FCHO1: variants seen among roughly 807,000 people sequenced by gnomAD.
FCHO1 encodes the protein F-BAR domain only protein 1.
Under a neutral mutation model 114.4 loss-of-function variants are expected in FCHO1, and 45 were observed. The observed-to-expected ratio is 0.39, with a 90% CI of 0.31 to 0.50. FCHO1 has a LOEUF of 0.50. Ranked by LOEUF, FCHO1 falls within the 20% of genes least tolerant of loss-of-function variation. The pLI is 0.77. For missense variants in FCHO1, 1,042 were observed against 1,209.6 expected (o/e 0.86, Z 2.06); for synonymous variants, 480 against 488.9 (o/e 0.98, Z 0.24).
chr19:17,778,015 G>A, intron 18 of FCHO1, 122 bp from the exon 19 acceptor site: 2 of 664,622 alleles, frequency 3.0e-6, no homozygotes, highest in South Asian at 1.8e-5. Context: ...CTGCAGCCTG[G>A]CCGACAGAGC....
intron 28 of FCHO1, 152 bp from the exon 29 acceptor site, chr19:17,788,132 G>A: frequency 2.8e-6 from 2 of 725,798 alleles, no homozygotes; most frequent in South Asian, 1.5e-5. Context: ...CCCCAACAAG[G>A]GGCTCCTGGG....
intron 4 of FCHO1, chr19:17,755,740 G>T: frequency 6.5e-6 from 1 of 152,708 alleles, no homozygotes; most frequent in South Asian, 2.1e-4. Context: ...GGAGATGCTG[G>T]GGTCTCCAAG....
At position 17,775,637 on chromosome 19, in the gene FCHO1, G is replaced by A; in HGVS notation, c.1003+124G>A. On this transcript the variant is annotated intron_variant, in intron 15 of 28. Coordinates refer to ENST00000596536, the MANE Select transcript of FCHO1 (RefSeq NM_015122.3). The surrounding 1 kb of genome is among the most constrained non-coding windows in gnomAD (Gnocchi z 5.1). ...CCTGGAGAGAGTCTCCTTTGTGGAT[G>A]AAGCCAACCTAAATGTAAACACCCA... 5.3e-6 allele frequency: 5 copies of A among 937,312 alleles called. No individual in the cohort carries two copies. The highest frequency in any genetic ancestry group is 1.7e-6 in the Non-Finnish European group (1 of 583,818). The allele number at this position is 937,312 out of a possible 1,614,324, so 58.1% of individuals were successfully genotyped here.
intron 27 of FCHO1, among the ~76,000 whole-genome samples, chr19:17,787,411 T>TAA (rs139752878): frequency 2.7e-4 from 28 of 103,526 alleles, no homozygotes; most frequent in African/African-American, 6.5e-4. Flanking sequence ...ACCCTGTCTC[T>TAA]AAAAAAAAAA....
chr19:17,755,202 C>G lies in FCHO1; in HGVS notation c.27+11C>G, dbSNP rs774745489. The G allele has an allele frequency of 5.6e-6, 9 of 1,604,122 alleles. No individual in the cohort carries two copies. The highest frequency in any genetic ancestry group is 7.7e-6 in the Non-Finnish European group (9 of 1,174,610). On this transcript the variant is annotated intron_variant, in intron 4 of 28. Transcript: ENST00000596536. Reference sequence around the variant, plus strand: ...GGGGAGCATTTTTGGGTAAGACCCACTCTTATTTAGGCGGGGGATGCTGGC... The same window carrying G: ...GGGGAGCATTTTTGGGTAAGACCCAGTCTTATTTAGGCGGGGGATGCTGGC...
At chr19:17,761,163 C>T (rs149676660) in intron 4 of FCHO1, among the ~76,000 whole-genome samples, 1 of 152,290 alleles carries the variant, frequency 6.6e-6, no homozygotes, top group East Asian at 1.9e-4. Context: ...ATTTATTCAA[C>T]GAACTCAAAT....
At position 17,767,331 on chromosome 19, in the gene FCHO1, G is replaced by A. The variant is rs2089642957; in HGVS notation, c.336+521G>A. Among the ~76,000 whole-genome samples, 3 of 150,102 alleles carry A rather than the reference G, an allele frequency of 2.0e-5. No individual in the cohort carries two copies. The South Asian group carries it at 6.3e-4, about 32-fold the overall frequency. ...GGGAGGCTGAGGCAGGAGGATGGCT[G>A]GAGCCCAGGATCCTACAGGAGTTTG... On this transcript the variant is annotated intron_variant, in intron 7 of 28. Coordinates refer to ENST00000596536, the MANE Select transcript of FCHO1 (RefSeq NM_015122.3).
intron 1 of FCHO1, among the ~76,000 whole-genome samples, chr19:17,753,127 A>AT (rs1461402540): frequency 6.6e-6 from 1 of 152,134 alleles, no homozygotes; most frequent in Non-Finnish European, 1.5e-5. Context: ...AGTGGTTCCC[A>AT]TGCCAGTCAG....
At chr19:17,769,536 G>A (rs977505878) in intron 7 of FCHO1, among the ~76,000 whole-genome samples, 7 of 151,692 alleles carry the variant, frequency 4.6e-5, no homozygotes, top group African/African-American at 1.5e-4. Context: ...CCAAGATCGC[G>A]CCACTGCACT....
chr19:17,778,061 A>G lies in FCHO1; in HGVS notation c.1260-76A>G, dbSNP rs1599733429. On this transcript the variant is annotated intron_variant, in intron 18 of 28. Transcript: ENST00000596536. The stretch of plus-strand genomic sequence containing the variant: ...CTCAAAAAAAAAAAAGACTGGGAAC[A>G]GCATGTGCAAAGGCCCCAGGGTGGG... 1.2e-5 allele frequency: 12 copies of G among 997,030 alleles called. No individual in the cohort carries two copies. In the East Asian group the frequency reaches 2.4e-4, roughly 20 times the overall value. 61.8% of individuals were successfully genotyped at this position (997,030 alleles called of 1,614,324 possible).
intron 4 of FCHO1, among the ~76,000 whole-genome samples, chr19:17,755,949 TCAGGGAA>T (rs2083328537): frequency 6.6e-6 from 1 of 152,112 alleles, no homozygotes; most frequent in South Asian, 2.1e-4. Flanking sequence ...AGTGGCAAGT[TCAGGGAA>T]CAGGGACTCC....
chr19:17,779,426 C>T lies in FCHO1; in HGVS notation c.1627+542C>T, dbSNP rs559967741. Among the ~76,000 whole-genome samples the T allele has an allele frequency of 4.0e-5, 6 of 151,694 alleles. No individual in the cohort carries two copies. The South Asian group carries it at 1.3e-3, about 32-fold the overall frequency. ...GCAGCTTCGGGAGTGAGGGCAGAAA[C>T]CAGAGACTGGGGAGGCAACCAGGGA... On this transcript the variant is annotated intron_variant, in intron 20 of 28. Coordinates refer to ENST00000596536, the MANE Select transcript of FCHO1 (RefSeq NM_015122.3).
intron 4 of FCHO1, among the ~76,000 whole-genome samples, chr19:17,759,603 C>T (rs770750305): frequency 1.3e-5 from 2 of 151,946 alleles, no homozygotes; most frequent in Non-Finnish European, 2.9e-5. Flanking sequence ...GCGCAGAGGA[C>T]CAGGTCTCCA....
Position 17,766,414 on chromosome 19 carries a change from C to T in FCHO1, c.195-255C>T, listed in dbSNP as rs552187118. ...CGGTCTCCCAAAGTGCTGGGATTACCAGGGCCTGCGTTTAAATTCCAGCTC... is the reference window on the plus strand; with the variant it reads ...CGGTCTCCCAAAGTGCTGGGATTACTAGGGCCTGCGTTTAAATTCCAGCTC... On this transcript the variant is annotated intron_variant, in intron 6 of 28. Coordinates refer to ENST00000596536, the MANE Select transcript of FCHO1 (RefSeq NM_015122.3). Among the ~76,000 whole-genome samples, 10 of 152,108 alleles carry T rather than the reference C, an allele frequency of 6.6e-5. No individual in the cohort carries two copies. The East Asian group carries it at 1.9e-3, about 29-fold the overall frequency.
At chr19:17,765,915 G>A (rs548780064) in intron 6 of FCHO1, among the ~76,000 whole-genome samples, 1 of 122,352 alleles carries the variant, frequency 8.2e-6, no homozygotes, top group South Asian at 2.7e-4. Flanking sequence ...TTGAGACAGA[G>A]TCTCACTCTG....
chr19:17,777,515 A>G (rs1455675241), intron 18 of FCHO1, among the ~76,000 whole-genome samples: 2 of 135,914 alleles, frequency 1.5e-5, no homozygotes, highest in Non-Finnish European at 3.1e-5. Context: ...CAGCCTGGGC[A>G]GCAAGAGGAA....
intron 27 of FCHO1, among the ~76,000 whole-genome samples, 188 bp from the exon 28 acceptor site, chr19:17,787,494 G>A (rs1200774203): frequency 1.3e-5 from 2 of 152,154 alleles, no homozygotes; most frequent in Non-Finnish European, 2.9e-5. Flanking sequence ...CCTGAGGCAG[G>A]ACTCCCTTGC....
chr19:17,752,912 A>T (rs892728333), intron 1 of FCHO1, among the ~76,000 whole-genome samples: 4 of 151,870 alleles, frequency 2.6e-5, no homozygotes, highest in African/African-American at 7.3e-5. Flanking sequence ...CAGAAAAAAT[A>T]AAAAAATAAA....
At chr19:17,761,601 G>C (rs537513366) in intron 4 of FCHO1, among the ~76,000 whole-genome samples, 5 of 149,416 alleles carry the variant, frequency 3.3e-5, no homozygotes, top group Non-Finnish European at 7.4e-5. Flanking sequence ...ATGTTGCAAA[G>C]AGAGACAATT....
Sources: gnomAD v4.1 joint callset for allele counts (sites outside exome capture counted in the v4.1 genomes callset) on GRCh38, gnomAD v4.1.1 for gene constraint, Gnocchi (gnomAD v3.1) non-coding constraint, MANE v1.5 for transcripts, NCBI Gene and HGNC (gene_info 2026-07-23, HGNC 2026-07-21) for gene names.